Variants in ZNF385D observed in about 807,000 individuals in gnomAD.
The protein encoded by ZNF385D is zinc finger protein 385D.
In ZNF385D, 15 loss-of-function variants were observed where a neutral mutation model predicts 35.8. That is an observed-to-expected ratio of 0.42 (90% CI 0.28 to 0.64). The LOEUF (loss-of-function observed/expected upper bound fraction) is 0.64. Among genes scored for constraint, ZNF385D ranks in the 30% least tolerant of loss-of-function variants. The pLI, the probability that ZNF385D is intolerant of heterozygous loss-of-function variation, is 0.23. For synonymous variants in ZNF385D, 212 were observed against 186.8 expected, an observed-to-expected ratio of 1.13 and a Z score of -1.10; for missense variants, 474 against 494.6, an observed-to-expected ratio of 0.96 and a Z score of 0.39.
rs187931053 is a variant in ZNF385D at position 21,852,078 on chromosome 3, T to C, written c.326-187050A>G. 3.3e-5 allele frequency among the ~76,000 whole-genome samples: 5 copies of C among 152,180 alleles called. No homozygotes were observed. The East Asian group carries it at 9.7e-4, about 30-fold the overall frequency. On this transcript the variant is annotated intron_variant, in intron 3 of 5. Coordinates refer to the ZNF385D transcript ENST00000494108. ...CAATGTCTAGACTCTGTTTGGTAGA[T>C]TCTCAAAATGTATTTTCTGAATGGA...
At chr3:21,963,524 G>C (rs1012522117) in intron 3 of ZNF385D, among the ~76,000 whole-genome samples, 1 of 152,116 alleles carries the variant, frequency 6.6e-6, no homozygotes, top group Non-Finnish European at 1.5e-5. Context: ...TAAAACTTCT[G>C]ATCTCAATCT....
chr3:21,929,107 T>C (rs1575939610), intron 3 of ZNF385D, among the ~76,000 whole-genome samples: 1 of 152,064 alleles, frequency 6.6e-6, no homozygotes, highest in African/African-American at 2.4e-5. Flanking sequence ...TCCAACAACA[T>C]ATAAATAGGA....
intron 2 of ZNF385D, among the ~76,000 whole-genome samples, chr3:22,236,617 A>G (rs1041276366): frequency 6.6e-6 from 1 of 152,192 alleles, no homozygotes; most frequent in Non-Finnish European, 1.5e-5. Context: ...GATTCTCAGT[A>G]TATTCACAAG....
chr3:22,146,652 CAATG>C (rs1012806919), intron 3 of ZNF385D, among the ~76,000 whole-genome samples: 40 of 152,226 alleles, frequency 2.6e-4, no homozygotes, highest in Middle Eastern at 3.4e-3. Context: ...TTTGTAAAAT[CAATG>C]AATGAATAAA....
At chr3:21,531,873 T>C (rs2125535707) in intron 3 of ZNF385D, among the ~76,000 whole-genome samples, 1 of 152,300 alleles carries the variant, frequency 6.6e-6, no homozygotes, top group East Asian at 1.9e-4. Flanking sequence ...TTACGAACCC[T>C]AAAGTTAATT....
At chr3:21,781,375 G>T (rs1245532001) in intron 3 of ZNF385D, among the ~76,000 whole-genome samples, 1 of 151,856 alleles carries the variant, frequency 6.6e-6, no homozygotes, top group Admixed American at 6.6e-5. Flanking sequence ...TATAAAATAT[G>T]CCCCAAATTC....
intron 2 of ZNF385D, among the ~76,000 whole-genome samples, chr3:22,198,121 CAG>C (rs1187627654): frequency 2.0e-5 from 3 of 152,080 alleles, no homozygotes; most frequent in South Asian, 2.1e-4. Context: ...AGAACAGACA[CAG>C]AAACTGTGTA....
At chr3:22,106,424 T>A (rs1364888360) in intron 3 of ZNF385D, among the ~76,000 whole-genome samples, 1 of 152,166 alleles carries the variant, frequency 6.6e-6, no homozygotes, top group African/African-American at 2.4e-5. Context: ...CATTTTCCAA[T>A]CTCTGTCTCA....
intron 2 of ZNF385D, among the ~76,000 whole-genome samples, chr3:21,606,653 G>A (rs1429049839): frequency 6.6e-6 from 1 of 152,122 alleles, no homozygotes; most frequent in Non-Finnish European, 1.5e-5. Context: ...CTCCCACAAG[G>A]GGACCTGAAC....
chr3:21,774,734 C>T (rs1216749278), intron 3 of ZNF385D, among the ~76,000 whole-genome samples: 1 of 151,872 alleles, frequency 6.6e-6, no homozygotes, highest in Non-Finnish European at 1.5e-5. Flanking sequence ...TTAAGAATAA[C>T]ATGATTTTGG....
chr3:22,332,347 G>T (rs1694977506), intron 2 of ZNF385D, among the ~76,000 whole-genome samples: 1 of 152,008 alleles, frequency 6.6e-6, no homozygotes, highest in Non-Finnish European at 1.5e-5. Flanking sequence ...CTCAAAGAGG[G>T]CTCTTTTTCT....
chr3:21,804,854 A>G (rs1277401548), intron 3 of ZNF385D, among the ~76,000 whole-genome samples: 1 of 93,374 alleles, frequency 1.1e-5, no homozygotes, highest in African/African-American at 4.6e-5. Context: ...TTTCCCTTAT[A>G]TACTTTACCA....
At chr3:22,182,812 A>G (rs553312775) in intron 2 of ZNF385D, among the ~76,000 whole-genome samples, 2 of 152,218 alleles carry the variant, frequency 1.3e-5, no homozygotes, top group East Asian at 3.9e-4. Flanking sequence ...AGGGTAGTAA[A>G]TTTAAGATAA....
At chr3:22,233,724 C>A (rs1021282098) in intron 2 of ZNF385D, among the ~76,000 whole-genome samples, 9 of 152,056 alleles carry the variant, frequency 5.9e-5, no homozygotes, top group African/African-American at 1.7e-4. Context: ...GCTCTACTTT[C>A]TTGACATTCT....
At chr3:21,891,814 G>T (rs575062319) in intron 3 of ZNF385D, among the ~76,000 whole-genome samples, 2 of 152,122 alleles carry the variant, frequency 1.3e-5, no homozygotes, top group Admixed American at 6.6e-5. Context: ...GACACAGTAA[G>T]TTTCACTTAC....
At chr3:22,025,901 C>T (rs1326808521) in intron 3 of ZNF385D, among the ~76,000 whole-genome samples, 1 of 152,180 alleles carries the variant, frequency 6.6e-6, no homozygotes, top group African/African-American at 2.4e-5. Context: ...GGCAGTCATT[C>T]AACTACAAAA....
intron 3 of ZNF385D, among the ~76,000 whole-genome samples, chr3:21,902,753 G>C (rs914387285): frequency 1.3e-5 from 2 of 152,138 alleles, no homozygotes; most frequent in African/African-American, 2.4e-5. Context: ...TGACGAGTTA[G>C]TGGGTGCAGC....
chr3:22,248,284 T>C (rs1272467634), intron 2 of ZNF385D, among the ~76,000 whole-genome samples: 1 of 152,176 alleles, frequency 6.6e-6, no homozygotes, highest in East Asian at 1.9e-4. Context: ...CACAGTTGTA[T>C]GGGAGGAAAC....
At chr3:21,537,370 T>A (rs2062062079) in intron 3 of ZNF385D, among the ~76,000 whole-genome samples, 1 of 151,690 alleles carries the variant, frequency 6.6e-6, no homozygotes, top group Non-Finnish European at 1.5e-5. Flanking sequence ...TGACCTCAGG[T>A]GATTCACCTG....
Sources: gnomAD v4.1 joint callset for allele counts (sites outside exome capture counted in the v4.1 genomes callset) on GRCh38, gnomAD v4.1.1 for gene constraint, MANE v1.5 for transcripts, NCBI Gene and HGNC (gene_info 2026-07-23, HGNC 2026-07-21) for gene names.